NLGN1: variants seen among roughly 807,000 people sequenced by gnomAD.
The protein encoded by NLGN1 is neuroligin 1.
Under a neutral mutation model 65.5 loss-of-function variants are expected in NLGN1, and 12 were observed. That is an observed-to-expected ratio of 0.18 (90% CI 0.12 to 0.30). The LOEUF is 0.30. Ranked by LOEUF, NLGN1 falls within the 10% of genes least tolerant of loss-of-function variation. The pLI is 1.00. For synonymous variants in NLGN1, 350 were observed against 359.5 expected (o/e 0.97, Z 0.30); for missense variants, 750 against 1,007.1 (o/e 0.74, Z 3.46).
chr3:173,729,374 C>T (rs1772402436), intron 3 of NLGN1, among the ~76,000 whole-genome samples: 2 of 152,066 alleles, frequency 1.3e-5, no homozygotes, highest in African/African-American at 4.8e-5. Flanking sequence ...CTTCTGTGAG[C>T]CTCTGAGTCT....
At chr3:173,760,076 TG>T (rs1303527354) in intron 3 of NLGN1, among the ~76,000 whole-genome samples, 1 of 152,020 alleles carries the variant, frequency 6.6e-6, no homozygotes, top group African/African-American at 2.4e-5. Context: ...TTCTGAACCA[TG>T]TGTGCTTCTC....
At chr3:174,098,715 C>T (rs868769060) in intron 4 of NLGN1, among the ~76,000 whole-genome samples, 4 of 152,198 alleles carry the variant, frequency 2.6e-5, no homozygotes, top group Admixed American at 6.5e-5. Flanking sequence ...CATTTCAAAC[C>T]ACATCCCACA....
intron 4 of NLGN1, among the ~76,000 whole-genome samples, chr3:174,167,728 T>C (rs1326237957): frequency 6.6e-6 from 1 of 151,932 alleles, no homozygotes; most frequent in Non-Finnish European, 1.5e-5. Flanking sequence ...TTTTCATTTC[T>C]TCTATCTGAA....
At chr3:174,272,272 G>A (rs1749543985) in intron 4 of NLGN1, among the ~76,000 whole-genome samples, 1 of 151,676 alleles carries the variant, frequency 6.6e-6, no homozygotes, top group African/African-American at 2.4e-5. Flanking sequence ...ATCTGAAATG[G>A]TTGTGCTGTT....
intron 2 of NLGN1, among the ~76,000 whole-genome samples, chr3:173,587,554 T>A (rs1253872030): frequency 6.6e-6 from 1 of 152,176 alleles, no homozygotes; most frequent in African/African-American, 2.4e-5. Flanking sequence ...CTTAGAAAAT[T>A]AATTCCATTT....
intron 2 of NLGN1, among the ~76,000 whole-genome samples, chr3:173,580,335 G>A (rs528656418): frequency 2.2e-4 from 33 of 151,926 alleles, no homozygotes; most frequent in African/African-American, 7.2e-4. Flanking sequence ...TTAATAACAC[G>A]GTTAAATTGG....
chr3:173,768,040 C>T (rs1294471141), intron 3 of NLGN1, among the ~76,000 whole-genome samples: 10 of 151,938 alleles, frequency 6.6e-5, no homozygotes, highest in African/African-American at 2.4e-4. Context: ...ACAAGCTTCT[C>T]ATATTGATTT....
Position 173,879,145 on chromosome 3 carries a change from T to C in NLGN1, c.646+71313T>C, listed in dbSNP as rs531756494. Among the ~76,000 whole-genome samples the C allele has an allele frequency of 4.8e-4, 73 of 151,980 alleles. No homozygotes were observed. In the Middle Eastern group the frequency reaches 0.017, roughly 35 times the overall value. ...AGTACAGGCAGCTGAGATAGGAGAA[T>C]TGCTTGAACCTGGGAGGTGGAGGTT... On this transcript the variant is annotated intron_variant, in intron 4 of 6. Transcript: ENST00000457714.
intron 2 of NLGN1, among the ~76,000 whole-genome samples, chr3:173,541,053 T>C (rs773274143): frequency 1.3e-4 from 20 of 152,168 alleles, no homozygotes; most frequent in Non-Finnish European, 2.4e-4. Flanking sequence ...CATCCCACTA[T>C]GATAGCTGTA....
chr3:173,963,133 C>T (rs1714002936), intron 4 of NLGN1, among the ~76,000 whole-genome samples: 1 of 152,006 alleles, frequency 6.6e-6, no homozygotes, highest in African/African-American at 2.4e-5. Flanking sequence ...CTGACTTATG[C>T]TACAACTATA....
At chr3:173,996,033 A>G (rs1189818839) in intron 4 of NLGN1, among the ~76,000 whole-genome samples, 1 of 152,164 alleles carries the variant, frequency 6.6e-6, no homozygotes, top group Non-Finnish European at 1.5e-5. Context: ...TTGTTTTAAA[A>G]TATCAACAAA....
intron 4 of NLGN1, among the ~76,000 whole-genome samples, chr3:173,830,863 C>T (rs1246593055): frequency 6.6e-6 from 1 of 152,136 alleles, no homozygotes; most frequent in South Asian, 2.1e-4. Flanking sequence ...TTACCTTGTA[C>T]TTCTAATATA....
rs199994707 is a variant in NLGN1 at position 174,265,543 on chromosome 3, C to A, written c.647-9772C>A. Among the ~76,000 whole-genome samples the A allele has an allele frequency of 3.9e-5, 6 of 151,972 alleles. No individual in the cohort carries two copies. In the East Asian group the frequency reaches 1.2e-3, roughly 30 times the overall value. ...ATGCCTCGCCCTGTTTCGGCTCGCA[C>A]ACGGTGCGCGCACCCACTGACCTGC... On this transcript the variant is annotated intron_variant, in intron 4 of 6. Transcript: ENST00000457714.
At chr3:174,152,983 C>G (rs1415181574) in intron 4 of NLGN1, among the ~76,000 whole-genome samples, 2 of 152,094 alleles carry the variant, frequency 1.3e-5, no homozygotes, top group Non-Finnish European at 2.9e-5. Flanking sequence ...CCTTGCCTGT[C>G]TCTTCTAAAT....
chr3:173,547,384 C>T (rs1411466186), intron 2 of NLGN1, among the ~76,000 whole-genome samples: 1 of 152,070 alleles, frequency 6.6e-6, no homozygotes, highest in Non-Finnish European at 1.5e-5. Context: ...TCCACACTGT[C>T]TCCAGAAGAA....
At chr3:173,482,274 A>T (rs147716782) in intron 2 of NLGN1, among the ~76,000 whole-genome samples, 32 of 151,920 alleles carry the variant, frequency 2.1e-4, no homozygotes, top group Non-Finnish European at 1.0e-4. Flanking sequence ...TGATACACCT[A>T]CATTTCTCCT....
intron 4 of NLGN1, among the ~76,000 whole-genome samples, chr3:173,943,242 T>A (rs960678526): frequency 7.0e-6 from 1 of 142,544 alleles, no homozygotes; most frequent in Admixed American, 6.8e-5. Flanking sequence ...AAAAAAATAA[T>A]GAAGGGTATA....
chr3:173,833,339 TAATC>T (rs1319374430), intron 4 of NLGN1, among the ~76,000 whole-genome samples: 2 of 152,172 alleles, frequency 1.3e-5, no homozygotes, highest in African/African-American at 4.8e-5. Context: ...ATGAGGAAAA[TAATC>T]TATATGGAAT....
In NLGN1 at chr3:173,604,102, C is replaced by T. The variant is rs1247647530; in HGVS notation, c.-320-177C>T. Among the ~76,000 whole-genome samples the T allele has an allele frequency of 3.3e-5, 5 of 152,204 alleles. No homozygotes were observed. The East Asian group carries it at 9.7e-4, about 29-fold the overall frequency. ...GTCAGCAGATGCATTTCTCAATAAT[C>T]TTATAATCAGTTAGTTTACTTGTCA... On this transcript the variant is annotated intron_variant, in intron 2 of 6. Transcript: ENST00000457714.
Sources: gnomAD v4.1 joint callset for allele counts (sites outside exome capture counted in the v4.1 genomes callset) on GRCh38, gnomAD v4.1.1 for gene constraint, MANE v1.5 for transcripts, NCBI Gene and HGNC (gene_info 2026-07-23, HGNC 2026-07-21) for gene names.